MPRIP: variants seen among roughly 807,000 people sequenced by gnomAD.
MPRIP encodes the protein myosin phosphatase Rho interacting protein, also known as myosin phosphatase Rho-interacting protein.
In MPRIP, 59 loss-of-function variants were observed where a neutral mutation model predicts 234.9. That is an observed-to-expected ratio of 0.25 (90% confidence interval 0.20 to 0.31). The LOEUF is 0.31. Among genes scored for constraint, MPRIP ranks in the 10% least tolerant of loss-of-function variants. MPRIP has a pLI of 1.00. For missense variants in MPRIP, 2,436 were observed against 3,071.0 expected (o/e 0.79, Z 4.89); for synonymous variants, 1,144 against 1,263.9 (o/e 0.91, Z 2.01).
chr17:17,118,345 G>A (rs1439075978), intron 3 of MPRIP, among the ~76,000 whole-genome samples: 2 of 152,260 alleles, frequency 1.3e-5, no homozygotes, highest in African/African-American at 2.4e-5. Flanking sequence ...TCCCTCTGGG[G>A]TTGCAGGACC....
intron 1 of MPRIP, among the ~76,000 whole-genome samples, chr17:17,062,081 A>T (rs951072194): frequency 3.3e-5 from 5 of 152,012 alleles, no homozygotes; most frequent in Non-Finnish European, 5.9e-5. Context: ...CCACACATCG[A>T]GTAGGTGGTG....
chr17:17,075,797 T>C lies in MPRIP; in HGVS notation c.201+10T>C, dbSNP rs770924334. 1.9e-6 allele frequency: 3 copies of C among 1,613,896 alleles called. No individual in the cohort carries two copies. The Admixed American group carries it at 5.0e-5, about 27-fold the overall frequency. On this transcript the variant is annotated intron_variant, in intron 2 of 23. Coordinates refer to ENST00000651222, the MANE Select transcript of MPRIP (RefSeq NM_001364716.4). ...AGTGCACCGGTCTCGGGTAAGGGCA[T>C]CAGAGCCAACTCTCAGGGAGGAACC...
chr17:17,120,912 T>C (rs1311161378), intron 3 of MPRIP, among the ~76,000 whole-genome samples: 1 of 152,014 alleles, frequency 6.6e-6, no homozygotes, highest in Non-Finnish European at 1.5e-5. Context: ...CAGACACAGA[T>C]GGTTGTATCC....
intron 2 of MPRIP, chr17:17,077,056 C>T (rs1597760915): frequency 6.6e-6 from 1 of 151,150 alleles, no homozygotes; most frequent in African/African-American, 2.4e-5. Flanking sequence ...ATCCTCTTAC[C>T]TCAGCCTCCT....
At chr17:17,180,955 C>T (rs12450878) in intron 23 of MPRIP, among the ~76,000 whole-genome samples, 2 of 152,238 alleles carry the variant, frequency 1.3e-5, no homozygotes, top group African/African-American at 4.8e-5. Context: ...ACTCCACCCC[C>T]TCAGGGGACA....
chr17:17,083,403 C>T (rs1368664258), intron 3 of MPRIP, among the ~76,000 whole-genome samples: 3 of 152,164 alleles, frequency 2.0e-5, no homozygotes, highest in African/African-American at 4.8e-5. Flanking sequence ...GAGTTTGCTT[C>T]CTATAGGAGA....
At chr17:17,069,711 G>A (rs1567694647) in intron 1 of MPRIP, among the ~76,000 whole-genome samples, 1 of 151,600 alleles carries the variant, frequency 6.6e-6, no homozygotes, top group Non-Finnish European at 1.5e-5. Flanking sequence ...CCTTTTCCTT[G>A]TATAATTGTC....
At chr17:17,114,521 C>A (rs987433966) in intron 3 of MPRIP, among the ~76,000 whole-genome samples, 5 of 152,124 alleles carry the variant, frequency 3.3e-5, no homozygotes, top group Non-Finnish European at 7.3e-5. Flanking sequence ...CCTTGGTCTT[C>A]TGTGCATTTT....
At position 17,158,744 on chromosome 17, in the gene MPRIP, C is replaced by A. The variant is rs762299865; in HGVS notation, c.2142C>A (p.Phe714Leu). The change falls in exon 14 of 24, where the codon TTC (phenylalanine) becomes TTA (leucine). Residue 714 changes from phenylalanine (F) to leucine (L), a missense_variant. Phe to Leu is a conservative substitution (Grantham distance 22). Transcript: ENST00000651222. ...GGCGGGAGGAGCGCCGCAAGCGCTTCGGGATGCTCGACGCCACAGACGGGC... is the reference window on the plus strand; with the variant it reads ...GGCGGGAGGAGCGCCGCAAGCGCTTAGGGATGCTCGACGCCACAGACGGGC... ...ARRREERRKR[F>L]GMLDATDGPG... 2.4e-5 allele frequency: 39 copies of A among 1,611,104 alleles called. No individual in the cohort carries two copies. In the Admixed American group the frequency reaches 6.3e-4, roughly 26 times the overall value.
At chr17:17,075,818 G>T in intron 2 of MPRIP, 31 bp downstream of exon 2, 1 of 1,606,166 alleles carries the variant, frequency 6.2e-7, no homozygotes, top group East Asian at 2.2e-5. Flanking sequence ...TCTCAGGGAG[G>T]AACCAGAGAA....
chr17:17,051,407 C>A (rs191926648), intron 1 of MPRIP, among the ~76,000 whole-genome samples: 137 of 152,298 alleles, frequency 9.0e-4, no homozygotes, highest in Non-Finnish European at 1.7e-3. Context: ...CTGGGAAACT[C>A]ATTCCCCAAG....
intron 1 of MPRIP, among the ~76,000 whole-genome samples, chr17:17,062,405 A>G: frequency 6.6e-6 from 1 of 152,266 alleles, no homozygotes; most frequent in Non-Finnish European, 1.5e-5. Context: ...TGATCTTGGC[A>G]GTCCGCATAA....
At chr17:17,151,304 A>G (rs1268804270) in intron 12 of MPRIP, among the ~76,000 whole-genome samples, 1 of 152,226 alleles carries the variant, frequency 6.6e-6, no homozygotes, top group Non-Finnish European at 1.5e-5. Context: ...TAGAGAAAGT[A>G]TGTAAGTCAG....
rs113020542 is a variant in MPRIP at position 17,144,370 on chromosome 17, C to T, written c.1503+701C>T. ...GAGGAGGAGTAAGGTTTGGGTTTTT[C>T]CTTCAGTCTGGGTTTTGCTTCAGGT... is the stretch of plus-strand genomic sequence containing the variant. On this transcript the variant is annotated intron_variant, in intron 9 of 23. Coordinates refer to ENST00000651222, the MANE Select transcript of MPRIP (RefSeq NM_001364716.4). 8.5e-3 allele frequency among the ~76,000 whole-genome samples: 1,299 copies of T among 152,288 alleles called. 15 individuals are homozygous for T. The highest frequency in any genetic ancestry group is 0.03 in the African/African-American group (1,227 of 41,556).
rs988395329 is a variant in MPRIP, at chr17:17,166,361, C to T, written c.4770C>T (p.Val1590=). The T allele has an allele frequency of 2.5e-5, 33 of 1,304,468 alleles. No homozygotes were observed. The highest frequency in any genetic ancestry group is 3.1e-5 in the Non-Finnish European group (31 of 989,030). The allele number at this position is 1,304,468 out of a possible 1,614,324, so 80.8% of individuals were successfully genotyped here. Residue 1590 remains valine, a synonymous_variant, in exon 16 of 24, where the codon GTC becomes GTT. Transcript: ENST00000651222. This position sits in a 1 kb window ranked among gnomAD's most constrained non-coding sequence, Gnocchi z 4.4. ...CCCTGAAGAACACAACATCAGATGT[C>T]TCCCGAATGCTCCATGAGATTTCTT... is the stretch of plus-strand genomic sequence containing the variant. The part of the protein sequence containing the change: ...ADSLKNTTSD[V]SRMLHEISWS...
At chr17:17,107,539 A>G (rs2090086816) in intron 3 of MPRIP, among the ~76,000 whole-genome samples, 1 of 152,184 alleles carries the variant, frequency 6.6e-6, no homozygotes. Flanking sequence ...GCATCATCTC[A>G]CGCAGCAGCT....
At chr17:17,065,244 C>T (rs2088986205) in intron 1 of MPRIP, among the ~76,000 whole-genome samples, 1 of 152,088 alleles carries the variant, frequency 6.6e-6, no homozygotes, top group Non-Finnish European at 1.5e-5. Flanking sequence ...TACTTCGTGG[C>T]TTATCTTTTC....
At position 17,188,212 on chromosome 17, in the gene MPRIP, C is replaced by G. The variant is rs983625729; in HGVS notation, c.*3318C>G. 6.6e-6 allele frequency: 1 copy of G among 152,286 alleles called. No homozygotes were observed. Among genetic ancestry groups the G allele is most frequent in the Non-Finnish European group, 1.5e-5 (1 of 68,098 alleles). The allele number at this position is 152,286 out of a possible 1,614,324, so 9.4% of individuals were successfully genotyped here. ...TCATTGGGCAGGGGTGGAGACAGTG[C>G]GCTGCCCTCTGAGCTGGAAGCCTGT... On this transcript the variant is annotated 3_prime_UTR_variant, in exon 24 of 24. Coordinates refer to ENST00000651222, the MANE Select transcript of MPRIP (RefSeq NM_001364716.4).
intron 1 of MPRIP, among the ~76,000 whole-genome samples, chr17:17,071,361 A>G (rs564781702): frequency 1.3e-5 from 2 of 152,210 alleles, no homozygotes; most frequent in South Asian, 2.1e-4. Context: ...TCAGGTTGCC[A>G]GTTTCTCCAG....
Sources: allele counts gnomAD v4.1 joint callset (sites outside exome capture counted in the v4.1 genomes callset), GRCh38; gene constraint gnomAD v4.1.1; non-coding constraint Gnocchi (gnomAD v3.1); transcripts MANE v1.5; gene names NCBI Gene and HGNC (gene_info 2026-07-23, HGNC 2026-07-21).